DMD: variants seen among roughly 807,000 people sequenced by gnomAD.
The protein encoded by DMD is dystrophin, also known as mutant dystrophin.
Under a neutral mutation model 330.1 loss-of-function variants are expected in DMD, and 63 were observed. The ratio of observed to expected loss-of-function variants is 0.19; its 90% CI spans 0.16 to 0.24. The LOEUF (loss-of-function observed/expected upper bound fraction) is 0.24. Among genes scored for constraint, DMD ranks in the 10% least tolerant of loss-of-function variants. The pLI is 1.00. For synonymous variants in DMD, 1,223 were observed against 959.8 expected, an observed-to-expected ratio of 1.27 and a Z score of -5.07; for missense variants, 3,344 against 2,684.1, an observed-to-expected ratio of 1.25 and a Z score of -5.43.
At chrX:31,507,875 A>C (rs192582253) in intron 55 of DMD, among the ~76,000 whole-genome samples, 8 of 111,930 alleles carry the variant, frequency 7.1e-5, no homozygotes, top group African/African-American at 2.6e-4. Flanking sequence ...TTTACGTAGT[A>C]ATCTGTAGAG....
chrX:32,771,940 G>T (rs768376279), intron 7 of DMD, among the ~76,000 whole-genome samples: 1 of 111,766 alleles, frequency 8.9e-6, no homozygotes, highest in African/African-American at 3.3e-5. Context: ...TTTATATAGA[G>T]CACTAGGAGG....
chrX:32,769,459 A>T (rs1055023008), intron 7 of DMD, among the ~76,000 whole-genome samples: 1 of 111,975 alleles, frequency 8.9e-6, no homozygotes, highest in Non-Finnish European at 1.9e-5. Context: ...GGGTGGGGAC[A>T]CAGCCAAACC....
At chrX:31,859,751 A>T (rs1314010163) in intron 48 of DMD, among the ~76,000 whole-genome samples, 1 of 112,748 alleles carries the variant, frequency 8.9e-6, no homozygotes, top group Admixed American at 9.4e-5. Flanking sequence ...TTAAAAAGTT[A>T]TGATTAGAAG....
intron 2 of DMD, among the ~76,000 whole-genome samples, chrX:32,988,972 T>G (rs2092914112): frequency 9.0e-6 from 1 of 111,578 alleles, no homozygotes; most frequent in Non-Finnish European, 1.9e-5. Context: ...TAAACTGTTG[T>G]GTATTAGGAA....
intron 1 of DMD, among the ~76,000 whole-genome samples, chrX:33,074,979 C>A (rs775650897): frequency 4.5e-5 from 5 of 111,505 alleles, no homozygotes; most frequent in Admixed American, 9.6e-5. Flanking sequence ...GTTTGTAGAG[C>A]TAATGAGAGA....
chrX:32,971,640 A>T (rs2092385812), intron 2 of DMD, among the ~76,000 whole-genome samples: 1 of 111,279 alleles, frequency 9.0e-6, no homozygotes, highest in Non-Finnish European at 1.9e-5. Context: ...AATTTGTATT[A>T]TTCCATTCTC....
At chrX:31,851,006 A>G (rs1262257040) in intron 48 of DMD, among the ~76,000 whole-genome samples, 1 of 112,647 alleles carries the variant, frequency 8.9e-6, no homozygotes, top group Non-Finnish European at 1.9e-5. Context: ...ATTGTGTTAG[A>G]GCCTGATTTC....
At chrX:33,239,536 G>C (rs189013621) in intron 1 of DMD, among the ~76,000 whole-genome samples, 1,162 of 110,433 alleles carry the variant, frequency 0.011, 20 homozygotes, top group African/African-American at 0.036. Flanking sequence ...AATTCTGTTC[G>C]CCCTGATCAG....
chrX:32,362,712 C>A, intron 37 of DMD, 76 bp downstream of exon 37: 2 of 1,110,740 alleles, frequency 1.8e-6, no homozygotes, highest in Non-Finnish European at 2.5e-6. Context: ...GGTCTACTTG[C>A]CCCTTTCAGA....
intron 44 of DMD, among the ~76,000 whole-genome samples, chrX:32,095,306 T>C (rs938109155): frequency 8.9e-6 from 1 of 112,099 alleles, no homozygotes; most frequent in Non-Finnish European, 1.9e-5. Flanking sequence ...AATATCTCGT[T>C]ATCCATAGTT....
intron 18 of DMD, among the ~76,000 whole-genome samples, chrX:32,502,156 T>C (rs893335566): frequency 9.0e-6 from 1 of 111,687 alleles, no homozygotes; most frequent in Non-Finnish European, 1.9e-5. Context: ...CAATGAAAGA[T>C]AAAGTGTCAC....
At chrX:31,808,973 T>C (rs1385896083) in intron 50 of DMD, among the ~76,000 whole-genome samples, 2 of 110,120 alleles carry the variant, frequency 1.8e-5, no homozygotes, top group African/African-American at 6.6e-5. Context: ...ATGAACATTA[T>C]AGAACATTTA....
chrX:32,581,927 T>C (rs755938992), intron 13 of DMD, among the ~76,000 whole-genome samples: 19 of 112,046 alleles, frequency 1.7e-4, no homozygotes, highest in Non-Finnish European at 2.4e-4. Context: ...ATTTGACATA[T>C]AGCAGAATAA....
chrX:32,491,561 G>A (rs1292837710), intron 19 of DMD, 43 bp from the exon 20 acceptor site: 1 of 1,163,676 alleles, frequency 8.6e-7, no homozygotes, highest in Middle Eastern at 2.9e-4. Flanking sequence ...TGAACCCACA[G>A]ACTGAAAGAA....
chrX:31,902,250 A>G (rs2094431871), intron 47 of DMD, among the ~76,000 whole-genome samples: 1 of 111,794 alleles, frequency 8.9e-6, no homozygotes, highest in African/African-American at 3.2e-5. Flanking sequence ...AAGACGGACA[A>G]CATGATAAAA....
chrX:32,252,795 T>TATATATAAGTATATAA (rs2097276789), intron 43 of DMD, among the ~76,000 whole-genome samples: 7 of 46,925 alleles, frequency 1.5e-4, no homozygotes, highest in African/African-American at 7.9e-4. Context: ...TATATATAAA[T>TATATATAAGTATATAA]ATATATATAA....
intron 6 of DMD, among the ~76,000 whole-genome samples, chrX:32,811,365 C>T (rs1415142876): frequency 1.8e-5 from 2 of 110,453 alleles, no homozygotes; most frequent in Non-Finnish European, 3.8e-5. Flanking sequence ...AAGAAAACTG[C>T]ATGCCTCAAA....
rs369184232 is a variant in DMD at position 31,825,185 on chromosome X, A to G, written c.7201-5102T>C. ...TTCTGTAACCCTACAAAGACAGAATACTAAAAGCAATGAGAAGTAATCATT... is the reference window on the plus strand; with the variant it reads ...TTCTGTAACCCTACAAAGACAGAATGCTAAAAGCAATGAGAAGTAATCATT... On this transcript the variant is annotated intron_variant, in intron 49 of 78. Transcript: ENST00000357033. Among the ~76,000 whole-genome samples, 404 of 112,099 alleles carry G rather than the reference A, an allele frequency of 3.6e-3. 1 individual carries two copies. Among genetic ancestry groups the G allele is most frequent in the African/African-American group, 0.012 (378 of 30,902 alleles).
chrX:32,016,463 C>T (rs1261738158), intron 44 of DMD, among the ~76,000 whole-genome samples: 1 of 111,875 alleles, frequency 8.9e-6, no homozygotes, highest in Non-Finnish European at 1.9e-5. Context: ...TCCTACTCAC[C>T]TCCCCACAAA....
Sources: gnomAD v4.1 joint callset for allele counts (sites outside exome capture counted in the v4.1 genomes callset) on GRCh38, gnomAD v4.1.1 for gene constraint, MANE v1.5 for transcripts, NCBI Gene and HGNC (gene_info 2026-07-23, HGNC 2026-07-21) for gene names.